ADAM17: variants seen among roughly 807,000 people sequenced by gnomAD.
ADAM17 encodes the protein disintegrin and metalloproteinase domain-containing protein 17.
ADAM17 carries 39 observed loss-of-function variants against 96.7 expected under a neutral mutation model. That is an observed-to-expected ratio of 0.40 (90% CI 0.31 to 0.53). The LOEUF (loss-of-function observed/expected upper bound fraction) is 0.53, where lower values mean the gene tolerates loss of function less well. Ranked by LOEUF, ADAM17 falls within the 20% of genes least tolerant of loss-of-function variation. The pLI, the probability that ADAM17 is intolerant of heterozygous loss-of-function variation, is 0.44. For synonymous variants in ADAM17, 344 were observed against 359.2 expected (o/e 0.96, Z 0.48); for missense variants, 777 against 1,013.2 (o/e 0.77, Z 3.17).
chr2:9,491,384 A>C (rs1490581882), intron 17 of ADAM17, among the ~76,000 whole-genome samples: 1 of 152,234 alleles, frequency 6.6e-6, no homozygotes, highest in African/African-American at 2.4e-5. Flanking sequence ...TTAAGTACAG[A>C]AAGAGGCAAG....
At chr2:9,509,671 A>T (rs1286096913) in intron 11 of ADAM17, among the ~76,000 whole-genome samples, 1 of 152,224 alleles carries the variant, frequency 6.6e-6, no homozygotes, top group African/African-American at 2.4e-5. Context: ...AATTTTTAAC[A>T]TAAAGCCTGA....
intron 12 of ADAM17, 22 bp downstream of exon 12, chr2:9,505,144 T>C: frequency 6.2e-7 from 1 of 1,613,350 alleles, no homozygotes; most frequent in South Asian, 1.1e-5. Flanking sequence ...CTTCCCAAAA[T>C]CCCTGTGGAG....
At chr2:9,555,370 C>T (rs527627488) in intron 1 of ADAM17, 139 bp downstream of exon 1, 1 of 643,028 alleles carries the variant, frequency 1.6e-6, no homozygotes, top group Non-Finnish European at 2.5e-6. Context: ...AGCCACACCC[C>T]CTTCTACACT....
chr2:9,540,386 A>AT (rs776220703), intron 2 of ADAM17, among the ~76,000 whole-genome samples: 555 of 145,622 alleles, frequency 3.8e-3, no homozygotes, highest in Middle Eastern at 7.1e-3. Flanking sequence ...CTAAGCCTTA[A>AT]TTTTTTTTTT....
At chr2:9,547,220 A>G (rs1240004590) in intron 1 of ADAM17, among the ~76,000 whole-genome samples, 1 of 152,138 alleles carries the variant, frequency 6.6e-6, no homozygotes, top group Non-Finnish European at 1.5e-5. Context: ...CACATTCTAC[A>G]CTTATTTTTT....
rs540680293 is a variant in ADAM17 at position 9,535,427 on chromosome 2, T to C, written c.450+407A>G. On this transcript the variant is annotated intron_variant, in intron 4 of 18. Coordinates refer to ENST00000310823, the MANE Select transcript of ADAM17 (RefSeq NM_003183.6). ...TGACTTTCCTAGCTTCCTCTTTAAC[T>C]TCTCAGACTATGAACTACCACCTTT... Among the ~76,000 whole-genome samples, 6 of 152,342 alleles carry C rather than the reference T, an allele frequency of 3.9e-5. No homozygotes were observed. In the South Asian group the frequency reaches 1.2e-3, roughly 32 times the overall value.
Position 9,517,889 on chromosome 2 carries a change from A to C in ADAM17, c.1191+12T>G. ...ACTCTAACACTATTCTTTTAGAAAT[A>C]AAAGAACATACCTTTGTAAGGATGG... is the stretch of plus-strand genomic sequence containing the variant. On this transcript the variant is annotated intron_variant, in intron 10 of 18. Transcript: ENST00000310823. The C allele has an allele frequency of 6.5e-7, 1 of 1,533,776 alleles. No homozygotes were observed.
intron 1 of ADAM17, among the ~76,000 whole-genome samples, chr2:9,551,799 GT>G (rs1665599080): frequency 6.6e-6 from 1 of 152,112 alleles, no homozygotes; most frequent in Non-Finnish European, 1.5e-5. Flanking sequence ...ATGAAAAAAA[GT>G]TTGTGTACAA....
At chr2:9,536,472 T>C (rs925088576) in intron 3 of ADAM17, among the ~76,000 whole-genome samples, 1 of 152,186 alleles carries the variant, frequency 6.6e-6, no homozygotes, top group Non-Finnish European at 1.5e-5. Flanking sequence ...GAATTTAATT[T>C]TAATCATTAA....
At chr2:9,492,844 G>T in intron 17 of ADAM17, 54 bp downstream of exon 17, 2 of 1,456,312 alleles carry the variant, frequency 1.4e-6, no homozygotes, top group East Asian at 2.5e-5. Context: ...TACATGGTTG[G>T]AGTTGATCAA....
chr2:9,490,484 G>A lies in ADAM17; in HGVS notation c.2168C>T (p.Ser723Leu), dbSNP rs144721235. The A allele has an allele frequency of 1.1e-5, 18 of 1,613,922 alleles. No individual in the cohort carries two copies. The highest frequency in any genetic ancestry group is 1.4e-5 in the Non-Finnish European group (17 of 1,179,894). Residue 723 changes from serine to leucine, a missense_variant, in exon 19 of 19, where the codon TCG (serine) becomes TTG (leucine). This residue lies in a region of ADAM17 where 197 missense variants were observed against 219.4 expected (regional missense o/e 0.90). Coordinates refer to ENST00000310823, the MANE Select transcript of ADAM17 (RefSeq NM_003183.6). ...VEMLSSMDSA[S>L]VRIIKPFPAP... is the part of the protein sequence containing the mutation. Reference sequence around the variant, plus strand: ...AGGAAAGGGTTTGATAATGCGAACCGATGCAGAATCCATGCTGCTCAGCAT... The same window carrying A: ...AGGAAAGGGTTTGATAATGCGAACCAATGCAGAATCCATGCTGCTCAGCAT...
At chr2:9,514,917 T>A (rs558853151) in intron 10 of ADAM17, among the ~76,000 whole-genome samples, 1 of 152,090 alleles carries the variant, frequency 6.6e-6, no homozygotes, top group Non-Finnish European at 1.5e-5. Context: ...CAGGCTGGAA[T>A]GTAGCGGGTA....
At chr2:9,535,806 C>A in intron 4 of ADAM17, 28 bp downstream of exon 4, 1 of 1,460,660 alleles carries the variant, frequency 6.8e-7, no homozygotes, top group Non-Finnish European at 9.4e-7. Context: ...ATATAAGCTA[C>A]TGAAAAAAAA....
intron 13 of ADAM17, among the ~76,000 whole-genome samples, chr2:9,498,509 T>C (rs902941749): frequency 1.3e-5 from 2 of 152,250 alleles, no homozygotes; most frequent in African/African-American, 4.8e-5. Context: ...TGGACTGGCC[T>C]TTCAGCTGAA....
intron 1 of ADAM17, among the ~76,000 whole-genome samples, chr2:9,548,552 C>T (rs1665486252): frequency 6.6e-6 from 1 of 151,060 alleles, no homozygotes; most frequent in Non-Finnish European, 1.5e-5. Context: ...CTGAAAGATT[C>T]TGGAGTTTTG....
chr2:9,531,517 C>T (rs550501692), intron 4 of ADAM17, among the ~76,000 whole-genome samples: 10 of 151,586 alleles, frequency 6.6e-5, no homozygotes, highest in South Asian at 4.2e-4. Context: ...GCCTGGCCAA[C>T]GTGGCAAAAC....
At chr2:9,550,903 CAAAAAA>C (rs33972062) in intron 1 of ADAM17, among the ~76,000 whole-genome samples, 8 of 97,864 alleles carry the variant, frequency 8.2e-5, no homozygotes, top group African/African-American at 3.0e-4. Context: ...ACTAAAAATA[CAAAAAA>C]AAAAAAAAAA....
intron 1 of ADAM17, among the ~76,000 whole-genome samples, chr2:9,548,186 G>T (rs113622237): frequency 6.6e-6 from 1 of 152,048 alleles, no homozygotes; most frequent in South Asian, 2.1e-4. Flanking sequence ...TACAAGATTA[G>T]CTGGGCGTGG....
chr2:9,524,729 C>A (rs1304219135), intron 6 of ADAM17, among the ~76,000 whole-genome samples: 1 of 152,192 alleles, frequency 6.6e-6, no homozygotes, highest in Admixed American at 6.5e-5. Flanking sequence ...GGTAAGAAGA[C>A]AGCCAGAAAG....
Sources: allele counts gnomAD v4.1 joint callset (sites outside exome capture counted in the v4.1 genomes callset), GRCh38; gene constraint gnomAD v4.1.1; regional missense constraint gnomAD v4.1.1; transcripts MANE v1.5; gene names NCBI Gene and HGNC (gene_info 2026-07-23, HGNC 2026-07-21).